FDFT1: variants seen among roughly 807,000 people sequenced by gnomAD.
FDFT1 encodes the protein farnesyl-diphosphate farnesyltransferase 1, also known as squalene synthase.
FDFT1 carries 68 observed loss-of-function variants against 46.8 expected under a neutral mutation model. That is an observed-to-expected ratio of 1.45 (90% CI 1.19 to 1.78). The LOEUF (loss-of-function observed/expected upper bound fraction) is 1.78, where lower values mean the gene tolerates loss of function less well. Ranked by LOEUF, FDFT1 falls within the 40% of genes most tolerant of loss-of-function variation. The probability of loss-of-function intolerance (pLI) is 0.00; values close to 1 mark genes in which losing one functional copy is unlikely to be tolerated. For synonymous variants in FDFT1, 351 were observed against 185.1 expected (o/e 1.90, Z -7.28); for missense variants, 928 against 524.4 (o/e 1.77, Z -7.52).
intron 7 of FDFT1, 109 bp from the exon 8 acceptor site, chr8:11,838,279 C>A (rs950146538): frequency 1.2e-6 from 1 of 822,576 alleles, no homozygotes; most frequent in African/African-American, 1.7e-5. Flanking sequence ...CCTCCCTTTC[C>A]TCATTGGTAA....
intron 1 of FDFT1, among the ~76,000 whole-genome samples, chr8:11,807,706 G>GAAT (rs1372652871): frequency 6.6e-6 from 1 of 152,206 alleles, no homozygotes; most frequent in South Asian, 2.1e-4. Flanking sequence ...CTTTAGGGAA[G>GAAT]AGTAAAGGTC....
rs1436780273 is a variant in FDFT1 at position 11,802,785 on chromosome 8, G to C, written c.-48G>C. On this transcript the variant is annotated 5_prime_UTR_variant, in exon 1 of 8. Coordinates refer to ENST00000220584, the MANE Select transcript of FDFT1 (RefSeq NM_004462.5). ...TCCAGCCGGCCGGTGAGCGCCTGGG[G>C]ACCGCAGAGGTGAGAGTCGCGCCCG... The C allele has an allele frequency of 1.4e-6, 2 of 1,464,922 alleles. No individual in the cohort carries two copies. Among genetic ancestry groups the C allele is most frequent in the Non-Finnish European group, 1.9e-6 (2 of 1,059,252 alleles). The allele number at this position is 1,464,922 out of a possible 1,614,324, so 90.7% of individuals were successfully genotyped here.
upstream of FDFT1, among the ~76,000 whole-genome samples, chr8:11,798,554 G>C (rs1805796626): frequency 2.6e-5 from 4 of 152,222 alleles, no homozygotes; most frequent in African/African-American, 9.6e-5. Context: ...GATATAAGGA[G>C]AGAAAGGGCG....
upstream of FDFT1, among the ~76,000 whole-genome samples, chr8:11,799,638 C>G (rs553037045): frequency 9.2e-5 from 14 of 152,328 alleles, 1 homozygote; most frequent in African/African-American, 3.4e-4. Flanking sequence ...TGCTTTTTCC[C>G]TGGTGCTGGA....
At chr8:11,834,438 G>T (rs373574337) in intron 7 of FDFT1, among the ~76,000 whole-genome samples, 1 of 152,136 alleles carries the variant, frequency 6.6e-6, no homozygotes, top group Admixed American at 6.5e-5. Context: ...AATCTTGTTC[G>T]TGTCTCTGCA....
At chr8:11,830,124 G>T (rs1467970330) in intron 5 of FDFT1, 120 bp from the exon 6 acceptor site, 12 of 820,896 alleles carry the variant, frequency 1.5e-5, no homozygotes, top group Non-Finnish European at 2.3e-5. Flanking sequence ...GGGATTACAG[G>T]CGTGAGCCAC....
chr8:11,826,912 C>G (rs1305738695), intron 5 of FDFT1, among the ~76,000 whole-genome samples: 1 of 152,178 alleles, frequency 6.6e-6, no homozygotes, highest in Non-Finnish European at 1.5e-5. Flanking sequence ...TACGTCTACA[C>G]AGTACACACA....
At chr8:11,815,624 G>T (rs199911213) in intron 3 of FDFT1, among the ~76,000 whole-genome samples, 1 of 152,120 alleles carries the variant, frequency 6.6e-6, no homozygotes, top group Non-Finnish European at 1.5e-5. Context: ...ATGACCAGTG[G>T]TGATGAGCAT....
intron 1 of FDFT1, chr8:11,808,540 C>A (rs1263001445): frequency 1.5e-6 from 2 of 1,340,698 alleles, no homozygotes; most frequent in East Asian, 6.0e-5. Context: ...GCCTGCGGCA[C>A]CAAGGCCATG....
intron 4 of FDFT1, among the ~76,000 whole-genome samples, chr8:11,823,942 C>A (rs369931384): frequency 6.6e-6 from 1 of 152,064 alleles, no homozygotes; most frequent in African/African-American, 2.4e-5. Flanking sequence ...GACAGGGTTT[C>A]ATCGTGTTGC....
intron 3 of FDFT1, among the ~76,000 whole-genome samples, chr8:11,818,867 T>G (rs553044259): frequency 6.6e-6 from 1 of 152,226 alleles, no homozygotes; most frequent in African/African-American, 2.4e-5. Context: ...AAGGTTAATA[T>G]TGTTATGTTT....
intron 7 of FDFT1, among the ~76,000 whole-genome samples, chr8:11,833,203 T>A (rs919122466): frequency 1.3e-5 from 2 of 152,236 alleles, no homozygotes; most frequent in African/African-American, 4.8e-5. Context: ...CATTTTGCCA[T>A]GTAGCCAGAA....
chr8:11,802,564 T>G, upstream of FDFT1: 1 of 606,750 alleles, frequency 1.6e-6, no homozygotes, highest in Non-Finnish European at 3.1e-6. Flanking sequence ...CCAGTCTCCT[T>G]CCGCGACTGA....
chr8:11,836,204 C>CTAT (rs1216932707), intron 7 of FDFT1, among the ~76,000 whole-genome samples: 1 of 151,480 alleles, frequency 6.6e-6, no homozygotes, highest in African/African-American at 2.4e-5. Flanking sequence ...ACCTGAGAAA[C>CTAT]TATTCTCAGG....
At chr8:11,828,402 G>T (rs569103031) in intron 5 of FDFT1, among the ~76,000 whole-genome samples, 1 of 152,212 alleles carries the variant, frequency 6.6e-6, no homozygotes, top group Non-Finnish European at 1.5e-5. Flanking sequence ...AACCACTCTT[G>T]TCTTACCCCT....
At chr8:11,817,939 T>C (rs1196580462) in intron 3 of FDFT1, among the ~76,000 whole-genome samples, 2 of 152,204 alleles carry the variant, frequency 1.3e-5, no homozygotes, top group East Asian at 3.9e-4. Flanking sequence ...TCTAGTTCTT[T>C]TAATTGTGAT....
rs532209895 is a variant in FDFT1, at chr8:11,824,089, T to C, written c.511-1935T>C. 2.6e-5 allele frequency among the ~76,000 whole-genome samples: 4 copies of C among 151,872 alleles called. No homozygotes were observed. In the East Asian group the frequency reaches 7.8e-4, roughly 30 times the overall value. On this transcript the variant is annotated intron_variant, in intron 4 of 7. Transcript: ENST00000220584. ...TGTTGGCCAGGCTGGTCTAAAACTC[T>C]TGGGCTCAAGCAGTCCCCTCTCCAC...
Position 11,831,569 on chromosome 8 carries a change from A to G in FDFT1, c.931A>G (p.Lys311Glu). 6.2e-7 allele frequency: 1 copy of G among 1,614,118 alleles called. No homozygotes were observed. The highest frequency in any genetic ancestry group is 8.5e-7 in the Non-Finnish European group (1 of 1,179,954). The change falls in exon 7 of 8, where the codon AAA becomes GAA. Residue 311 changes from lysine (K) to glutamate (E), a missense_variant. Lys to Glu is a moderately conservative substitution (Grantham distance 56). Coordinates refer to ENST00000220584, the MANE Select transcript of FDFT1 (RefSeq NM_004462.5). The part of the protein sequence containing the change: ...AACYNNQQVF[K>E]GAVKIRKGQA... ...CTGTTATAATAACCAGCAGGTGTTC[A>G]AAGGGGCAGTGAAGATTCGGAAAGG...
chr8:11,803,056 T>C (rs1410067186), intron 1 of FDFT1, 125 bp downstream of exon 1: 9 of 1,459,896 alleles, frequency 6.2e-6, no homozygotes, highest in Non-Finnish European at 7.2e-6. Flanking sequence ...GCCTGGGTGT[T>C]CCCGTCCCCC....
Sources: gnomAD v4.1 joint callset for allele counts (sites outside exome capture counted in the v4.1 genomes callset) on GRCh38, gnomAD v4.1.1 for gene constraint, MANE v1.5 for transcripts, NCBI Gene and HGNC (gene_info 2026-07-23, HGNC 2026-07-21) for gene names.